Variants in LDLRAD3 observed in about 807,000 individuals in gnomAD.
The protein encoded by LDLRAD3 is low density lipoprotein receptor class A domain containing 3.
LDLRAD3 carries 20 observed loss-of-function variants against 29.4 expected under a neutral mutation model. The ratio of observed to expected loss-of-function variants is 0.68; its 90% CI spans 0.48 to 0.99. The LOEUF is 0.99. LDLRAD3 is among the 50% of genes least tolerant of loss of function. The pLI is 0.00. For missense variants in LDLRAD3, 420 were observed against 454.3 expected, an observed-to-expected ratio of 0.92 and a Z score of 0.69; for synonymous variants, 157 against 192.7, an observed-to-expected ratio of 0.81 and a Z score of 1.53.
At position 36,121,104 on chromosome 11, in the gene LDLRAD3, C is replaced by T. The variant is rs185208466; in HGVS notation, c.454+22643C>T. Among the ~76,000 whole-genome samples the T allele has an allele frequency of 1.1e-4, 16 of 152,258 alleles. No individual in the cohort carries two copies. The East Asian group carries it at 3.1e-3, about 29-fold the overall frequency. On this transcript the variant is annotated intron_variant, in intron 4 of 5. Transcript: ENST00000315571. The stretch of plus-strand genomic sequence containing the variant: ...TAGTTCACTATTCTGTCCCCGGTAT[C>T]CAGGGCATCATAGACACTCAATAAC...
intron 1 of LDLRAD3, among the ~76,000 whole-genome samples, chr11:35,961,709 G>A (rs980745792): frequency 3.9e-5 from 6 of 152,056 alleles, no homozygotes; most frequent in African/African-American, 1.4e-4. Flanking sequence ...TAAAGCTTTT[G>A]CATTTTACTC....
intron 1 of LDLRAD3, among the ~76,000 whole-genome samples, chr11:35,975,092 C>A (rs891524195): frequency 5.3e-5 from 8 of 152,202 alleles, no homozygotes; most frequent in African/African-American, 1.9e-4. Flanking sequence ...CAGCTCTTCA[C>A]TGGCTGAACT....
intron 2 of LDLRAD3, among the ~76,000 whole-genome samples, chr11:36,040,833 T>C (rs1185053415): frequency 6.6e-6 from 1 of 152,232 alleles, no homozygotes; most frequent in African/African-American, 2.4e-5. Context: ...TTGGCAGCCC[T>C]GGGTAACATC....
At chr11:36,113,805 C>A (rs892924080) in intron 4 of LDLRAD3, among the ~76,000 whole-genome samples, 2 of 151,842 alleles carry the variant, frequency 1.3e-5, no homozygotes, top group South Asian at 4.2e-4. Flanking sequence ...TCCTGAGTAG[C>A]TGAGATTACA....
At chr11:36,080,934 G>A (rs192182913) in intron 2 of LDLRAD3, among the ~76,000 whole-genome samples, 190 of 152,282 alleles carry the variant, frequency 1.2e-3, no homozygotes, top group African/African-American at 4.4e-3. Flanking sequence ...GGCTGATCAC[G>A]TAGGCACCCT....
chr11:36,055,898 G>A (rs891209646), intron 2 of LDLRAD3, among the ~76,000 whole-genome samples: 3 of 150,076 alleles, frequency 2.0e-5, no homozygotes, highest in African/African-American at 7.3e-5. Flanking sequence ...TGCACATGTA[G>A]GAATGAGTTT....
intron 1 of LDLRAD3, among the ~76,000 whole-genome samples, chr11:36,030,802 A>G (rs1280241627): frequency 6.6e-6 from 1 of 152,210 alleles, no homozygotes; most frequent in Non-Finnish European, 1.5e-5. Context: ...CATCATGACA[A>G]GGGGTCCCCC....
intron 1 of LDLRAD3, among the ~76,000 whole-genome samples, chr11:36,015,077 G>A (rs557903127): frequency 6.6e-6 from 1 of 152,308 alleles, no homozygotes; most frequent in East Asian, 1.9e-4. Flanking sequence ...GAACTGAAGC[G>A]ACAGCAGCCA....
chr11:36,063,581 A>C (rs1852740656), intron 2 of LDLRAD3, among the ~76,000 whole-genome samples: 1 of 152,194 alleles, frequency 6.6e-6, no homozygotes, highest in Non-Finnish European at 1.5e-5. Flanking sequence ...ATCATGTATC[A>C]GTACTTCATT....
intron 3 of LDLRAD3, among the ~76,000 whole-genome samples, chr11:36,095,218 A>G (rs1053018104): frequency 1.3e-5 from 2 of 152,216 alleles, no homozygotes; most frequent in African/African-American, 4.8e-5. Context: ...AGAGAAGAGT[A>G]TATAGCTGGA....
chr11:36,187,868 T>C (rs1164160034), intron 4 of LDLRAD3, among the ~76,000 whole-genome samples: 3 of 152,184 alleles, frequency 2.0e-5, no homozygotes, highest in Non-Finnish European at 2.9e-5. Flanking sequence ...TAACGTTAGA[T>C]TGAATTTCAA....
rs11347605 is a variant in LDLRAD3 at position 36,128,852 on chromosome 11, G to GA, written c.454+30405dup. 4.6e-3 allele frequency among the ~76,000 whole-genome samples: 642 copies of GA among 139,564 alleles called. 1 individual carries two copies. Among genetic ancestry groups the GA allele is most frequent in the Middle Eastern group, 0.015 (4 of 272 alleles). The allele number at this position is 139,564 out of a possible 152,430, so 91.6% of individuals were successfully genotyped here. A position where few individuals can be genotyped will look rare whatever the true frequency, so the allele number is the denominator to read the frequency against. On this transcript the variant is annotated intron_variant, in intron 4 of 5. Coordinates refer to ENST00000315571, the MANE Select transcript of LDLRAD3 (RefSeq NM_174902.4). ...TAAGAGAGTGAGACTGTGTCTCAAG[G>GA]AAAAAAAAAAAAAAGAGAGAAAAGA...
At chr11:36,068,673 C>T (rs552856977) in intron 2 of LDLRAD3, among the ~76,000 whole-genome samples, 107 of 152,302 alleles carry the variant, frequency 7.0e-4, no homozygotes, top group Non-Finnish European at 1.2e-3. Context: ...TGTGCCACCA[C>T]ACCTGGCTAA....
intron 4 of LDLRAD3, among the ~76,000 whole-genome samples, chr11:36,180,953 A>T (rs1854753215): frequency 6.6e-6 from 1 of 152,138 alleles, no homozygotes; most frequent in African/African-American, 2.4e-5. Flanking sequence ...AGCTACCAGT[A>T]ACAGAGATGG....
At position 36,133,553 on chromosome 11, in the gene LDLRAD3, T is replaced by C. The variant is rs865803502; in HGVS notation, c.454+35092T>C. Among the ~76,000 whole-genome samples the C allele has an allele frequency of 1.8e-3, 256 of 146,138 alleles. 13 individuals carry two copies. The South Asian group carries it at 0.054, about 31-fold the overall frequency. On this transcript the variant is annotated intron_variant, in intron 4 of 5. Transcript: ENST00000315571. Reference sequence around the variant, plus strand: ...TCCGTTTTCTTTTTCTTTTCTTTTTTTTTTTTTTTTTTGAGACGGAGTCTT... The same window carrying C: ...TCCGTTTTCTTTTTCTTTTCTTTTTCTTTTTTTTTTTTGAGACGGAGTCTT...
In LDLRAD3 at chr11:36,111,135, C is replaced by T. The variant is rs567751412; in HGVS notation, c.454+12674C>T. ...GAAGGTGGAGACAGAGGAAGAAACC[C>T]AGGAGAAATGAGATGTTCAACCCTG... is the stretch of plus-strand genomic sequence containing the variant. On this transcript the variant is annotated intron_variant, in intron 4 of 5. Transcript: ENST00000315571. Among the ~76,000 whole-genome samples, 14 of 152,184 alleles carry T rather than the reference C, an allele frequency of 9.2e-5. No individual in the cohort carries two copies. The East Asian group carries it at 2.7e-3, about 29-fold the overall frequency.
Position 36,194,708 on chromosome 11 carries a change from T to C in LDLRAD3, c.455-32377T>C, listed in dbSNP as rs147255738. On this transcript the variant is annotated intron_variant, in intron 4 of 5. Transcript: ENST00000315571. ...ACCAGTAAGGACACAATGAAGACAA[T>C]AGCTTTGTCCCATCTGAAAAAATAA... is the stretch of plus-strand genomic sequence containing the variant. Among the ~76,000 whole-genome samples, 186 of 152,246 alleles carry C rather than the reference T, an allele frequency of 1.2e-3. No individual in the cohort carries two copies. The East Asian group carries it at 0.023, about 18-fold the overall frequency.
At chr11:36,122,577 CTAT>C (rs1241180737) in intron 4 of LDLRAD3, among the ~76,000 whole-genome samples, 3 of 152,096 alleles carry the variant, frequency 2.0e-5, no homozygotes, top group Non-Finnish European at 4.4e-5. Context: ...ATAATAATTA[CTAT>C]TATTATTAAG....
intron 4 of LDLRAD3, among the ~76,000 whole-genome samples, chr11:36,210,658 A>G (rs761064956): frequency 9.9e-5 from 15 of 152,166 alleles, no homozygotes; most frequent in Non-Finnish European, 2.1e-4. Flanking sequence ...CCAAGACTTC[A>G]TTTCAAGAAG....
Sources: gnomAD v4.1 joint callset for allele counts (sites outside exome capture counted in the v4.1 genomes callset) on GRCh38, gnomAD v4.1.1 for gene constraint, MANE v1.5 for transcripts, NCBI Gene and HGNC (gene_info 2026-07-23, HGNC 2026-07-21) for gene names.